The following TXNDC9 variants were observed in gnomAD, a reference collection of about 807,000 sequenced individuals.
The protein encoded by TXNDC9 is thioredoxin domain containing 9, also known as thioredoxin domain-containing protein 9.
In TXNDC9, 7 loss-of-function variants were observed where a neutral mutation model predicts 23.0. The observed-to-expected ratio is 0.30, with a 90% CI of 0.17 to 0.57. The LOEUF (loss-of-function observed/expected upper bound fraction) is 0.57, where lower values mean the gene tolerates loss of function less well. TXNDC9 is among the 20% of genes least tolerant of loss of function. TXNDC9 has a pLI of 0.90. For missense variants in TXNDC9, 198 were observed against 252.6 expected (o/e 0.78, Z 1.47); for synonymous variants, 72 against 90.6 (o/e 0.79, Z 1.17).
At chr2:99,308,282 G>A in the TXNDC9 span, among the ~76,000 whole-genome samples, 1 of 152,080 alleles carries the variant, frequency 6.6e-6, no homozygotes, top group Non-Finnish European at 1.5e-5. Flanking sequence ...AACTTTCAGA[G>A]GTCTTCTAGG....
downstream of TXNDC9, among the ~76,000 whole-genome samples, chr2:99,315,810 GGTTT>G (rs1294958211): frequency 6.6e-6 from 1 of 152,048 alleles, no homozygotes; most frequent in Non-Finnish European, 1.5e-5. Context: ...AAAACACAAG[GGTTT>G]ATTTCTGGAC....
intron 1 of TXNDC9, among the ~76,000 whole-genome samples, chr2:99,335,008 C>G (rs1240985681): frequency 2.0e-5 from 3 of 152,306 alleles, no homozygotes; most frequent in East Asian, 1.9e-4. Context: ...GCCAGCCGCG[C>G]CCGGCCAAAA....
downstream of TXNDC9, among the ~76,000 whole-genome samples, chr2:99,317,027 A>T (rs1410888582): frequency 6.6e-6 from 1 of 152,146 alleles, no homozygotes; most frequent in East Asian, 1.9e-4. Flanking sequence ...AAGTGCTGGG[A>T]TTACAGGCGT....
chr2:99,325,668 A>AAATGCG (rs1236001717), intron 3 of TXNDC9, among the ~76,000 whole-genome samples: 2 of 152,206 alleles, frequency 1.3e-5, no homozygotes, highest in Non-Finnish European at 2.9e-5. Context: ...CAATACAGGC[A>AAATGCG]AATGCGCTGC....
At chr2:99,324,126 G>A (rs936374293) in intron 3 of TXNDC9, among the ~76,000 whole-genome samples, 4 of 152,138 alleles carry the variant, frequency 2.6e-5, no homozygotes, top group Non-Finnish European at 5.9e-5. Context: ...GATTAGAGGT[G>A]TGAGCTACCA....
At chr2:99,320,638 A>G (rs1436242575) in intron 4 of TXNDC9, among the ~76,000 whole-genome samples, 1 of 152,228 alleles carries the variant, frequency 6.6e-6, no homozygotes, top group African/African-American at 2.4e-5. Context: ...AAAACTTGAA[A>G]TAAGAGCGGT....
downstream of TXNDC9, among the ~76,000 whole-genome samples, chr2:99,316,923 A>AT (rs1213233577): frequency 6.6e-6 from 1 of 151,842 alleles, no homozygotes; most frequent in African/African-American, 2.4e-5. Flanking sequence ...CGCCCGGCTA[A>AT]TTTTTTGTAT....
chr2:99,319,926 G>A, intron 4 of TXNDC9, 127 bp from the exon 5 acceptor site: 1 of 630,098 alleles, frequency 1.6e-6, no homozygotes, highest in South Asian at 2.1e-5. Context: ...TGGTGTCAGG[G>A]AAGAGGTATA....
At chr2:99,322,261 T>C (rs1337555503) in intron 3 of TXNDC9, 52 bp from the exon 4 acceptor site, 1 of 1,561,928 alleles carries the variant, frequency 6.4e-7, no homozygotes, top group Non-Finnish European at 8.7e-7. Flanking sequence ...AGATCGCTTT[T>C]TTCAAAATAA....
chr2:99,336,146 C>A, intron 1 of TXNDC9, 93 bp downstream of exon 1: 1 of 965,138 alleles, frequency 1.0e-6, no homozygotes, highest in Non-Finnish European at 1.2e-6. Flanking sequence ...GTGCTGGGGC[C>A]GCGCCCCTCC....
chr2:99,327,637 C>G lies in TXNDC9; in HGVS notation c.206G>C (p.Gly69Ala). 1 of 1,612,372 alleles carries G rather than the reference C, an allele frequency of 6.2e-7. No homozygotes were observed. The highest frequency in any genetic ancestry group is 8.5e-7 in the Non-Finnish European group (1 of 1,178,932). Reference sequence around the variant, plus strand: ...AGGGATTTCTCTGTATTCCCCATGTCCTTTAGAAAGCCATTCCTAATTTGG... The same window carrying G: ...AGGGATTTCTCTGTATTCCCCATGTGCTTTAGAAAGCCATTCCTAATTTGG... ...QQQKQEWLSK[G>A]HGEYREIPSE... Residue 69 changes from glycine to alanine, a missense_variant, in exon 3 of 5, where the codon GGA becomes GCA. Gly to Ala is a moderately conservative substitution (Grantham distance 60). Coordinates refer to ENST00000264255, the MANE Select transcript of TXNDC9 (RefSeq NM_005783.4).
intron 1 of TXNDC9, among the ~76,000 whole-genome samples, chr2:99,335,836 C>A: frequency 6.6e-6 from 1 of 152,190 alleles, no homozygotes; most frequent in East Asian, 1.9e-4. Flanking sequence ...TGCAACCCCT[C>A]GTTAGCTTTT....
intron 1 of TXNDC9, among the ~76,000 whole-genome samples, chr2:99,334,958 C>G (rs904249766): frequency 3.9e-5 from 6 of 152,220 alleles, no homozygotes; most frequent in African/African-American, 1.4e-4. Context: ...TCGTGATCCG[C>G]CCGCCTCGGC....
chr2:99,319,646 GAAA>G lies in TXNDC9; in HGVS notation c.*33_*35del, dbSNP rs76843435. The G allele has an allele frequency of 8.7e-5, 123 of 1,419,288 alleles. No homozygotes were observed. The highest frequency in any genetic ancestry group is 1.1e-4 in the Non-Finnish European group (111 of 1,030,826). The allele number at this position is 1,419,288 out of a possible 1,614,324, so 87.9% of individuals were successfully genotyped here. A position where few individuals can be genotyped will look rare whatever the true frequency, so the allele number is the denominator to read the frequency against. On this transcript the variant is annotated 3_prime_UTR_variant, in exon 5 of 5. Transcript: ENST00000264255. ...TAAAAACACATTTAAATCTGAAGCA[GAAA>G]AAAAAAGACAATTTACAAAGAATTA...
chr2:99,316,836 A>T (rs550599920), downstream of TXNDC9, among the ~76,000 whole-genome samples: 3 of 152,228 alleles, frequency 2.0e-5, no homozygotes, highest in East Asian at 5.8e-4. Context: ...GGCTCACTGC[A>T]AGCTCCGCCT....
At chr2:99,320,667 T>C (rs1392396613) in intron 4 of TXNDC9, among the ~76,000 whole-genome samples, 1 of 152,230 alleles carries the variant, frequency 6.6e-6, no homozygotes, top group Non-Finnish European at 1.5e-5. Context: ...CAATAATTCC[T>C]GTTTCAATAA....
At position 99,319,618 on chromosome 2, in the gene TXNDC9, T is replaced by C; in HGVS notation, c.*64A>G. On this transcript the variant is annotated 3_prime_UTR_variant, in exon 5 of 5. Transcript: ENST00000264255. Reference sequence around the variant, plus strand: ...GACCAATGTATAGACATTAATAGAATTTTAAAAACACATTTAAATCTGAAG... The same window carrying C: ...GACCAATGTATAGACATTAATAGAACTTTAAAAACACATTTAAATCTGAAG... 7.8e-7 allele frequency: 1 copy of C among 1,275,346 alleles called. No individual in the cohort carries two copies. The highest frequency in any genetic ancestry group is 2.3e-5 in the East Asian group (1 of 42,890). 79.0% of individuals were successfully genotyped at this position (1,275,346 alleles called of 1,614,324 possible). A position where few individuals can be genotyped will look rare whatever the true frequency, so the allele number is the denominator to read the frequency against.
At chr2:99,321,788 G>C (rs2094202355) in intron 4 of TXNDC9, 167 bp downstream of exon 4, 1 of 733,484 alleles carries the variant, frequency 1.4e-6, no homozygotes, top group Non-Finnish European at 2.1e-6. Context: ...GTAAAATCAC[G>C]CTAATATTAC....
chr2:99,310,625 A>T, the TXNDC9 span, among the ~76,000 whole-genome samples: 4 of 152,146 alleles, frequency 2.6e-5, no homozygotes, highest in Non-Finnish European at 5.9e-5. Flanking sequence ...ACCTTAAAAG[A>T]GATAGGATAT....
Sources: allele counts gnomAD v4.1 joint callset (sites outside exome capture counted in the v4.1 genomes callset), GRCh38; gene constraint gnomAD v4.1.1; transcripts MANE v1.5; gene names NCBI Gene and HGNC (gene_info 2026-07-23, HGNC 2026-07-21).